TXNRD1: variants seen among roughly 807,000 people sequenced by gnomAD.
TXNRD1 encodes the protein thioredoxin reductase 1, also known as thioredoxin reductase 1, cytoplasmic.
In TXNRD1, 57 loss-of-function variants were observed where a neutral mutation model predicts 80.3. That is an observed-to-expected ratio of 0.71 (90% CI 0.57 to 0.89). The LOEUF (loss-of-function observed/expected upper bound fraction) is 0.89, where lower values mean the gene tolerates loss of function less well. TXNRD1 is among the 40% of genes least tolerant of loss of function. The pLI, the probability that TXNRD1 is intolerant of heterozygous loss-of-function variation, is 0.00. For synonymous variants in TXNRD1, 291 were observed against 285.2 expected, an observed-to-expected ratio of 1.02 and a Z score of -0.20; for missense variants, 730 against 803.0, an observed-to-expected ratio of 0.91 and a Z score of 1.10.
intron 1 of TXNRD1, among the ~76,000 whole-genome samples, chr12:104,229,138 A>C (rs1234616416): frequency 7.6e-6 from 1 of 132,212 alleles, no homozygotes; most frequent in Admixed American, 8.3e-5. Context: ...TCCGAGCATT[A>C]CTTTTCTTTT....
chr12:104,223,337 G>T (rs1324380070), intron 1 of TXNRD1, among the ~76,000 whole-genome samples: 1 of 152,206 alleles, frequency 6.6e-6, no homozygotes, highest in Non-Finnish European at 1.5e-5. Context: ...TTATCACAAA[G>T]ATTTGTTTAG....
chr12:104,289,044 G>A lies in TXNRD1; in HGVS notation c.414+4G>A, dbSNP rs201574726. ...CGGCCATGGTCCAACCTTGAAGGTA[G>A]GAGAGAGTAACGTATCTTTTTAAAC... On this transcript the variant is annotated splice_donor_region_variant and intron_variant, in intron 4 of 16. Coordinates refer to ENST00000525566, the MANE Select transcript of TXNRD1 (RefSeq NM_001093771.3). The A allele has an allele frequency of 1.2e-6, 2 of 1,612,700 alleles. No homozygotes were observed. The highest frequency in any genetic ancestry group is 1.7e-6 in the Non-Finnish European group (2 of 1,178,948).
chr12:104,309,995 C>T, intron 4 of TXNRD1: 10 of 1,536,238 alleles, frequency 6.5e-6, no homozygotes, highest in Non-Finnish European at 8.7e-6. Flanking sequence ...CTCCACCGCA[C>T]CCCCTTCCAC....
At chr12:104,256,667 T>TA (rs2033255512) in intron 2 of TXNRD1, among the ~76,000 whole-genome samples, 1 of 150,500 alleles carries the variant, frequency 6.6e-6, no homozygotes, top group Non-Finnish European at 1.5e-5. Flanking sequence ...TAACCCCACC[T>TA]AATTGGGTGG....
intron 3 of TXNRD1, among the ~76,000 whole-genome samples, chr12:104,283,191 G>A (rs1051119880): frequency 5.9e-5 from 9 of 152,124 alleles, no homozygotes; most frequent in African/African-American, 2.2e-4. Context: ...CCACATAACA[G>A]CAATTCTTTG....
intron 15 of TXNRD1, among the ~76,000 whole-genome samples, chr12:104,337,953 ATTTTTTT>A (rs761640158): frequency 6.8e-5 from 8 of 116,874 alleles, no homozygotes; most frequent in Admixed American, 3.5e-4. Flanking sequence ...TGCCCAGCTA[ATTTTTTT>A]TTTTTTTTTT....
chr12:104,234,956 C>A, intron 1 of TXNRD1, among the ~76,000 whole-genome samples: 1 of 152,102 alleles, frequency 6.6e-6, no homozygotes, highest in East Asian at 1.9e-4. Flanking sequence ...GCTTCTATCT[C>A]TTATGTAATG....
At position 104,319,478 on chromosome 12, in the gene TXNRD1, T is replaced by C. The variant is rs1174405640; in HGVS notation, c.882T>C (p.Asn294=). 1 of 1,578,788 alleles carries C rather than the reference T, an allele frequency of 6.3e-7. No individual in the cohort carries two copies. Among genetic ancestry groups the C allele is most frequent in the Non-Finnish European group, 8.6e-7 (1 of 1,161,444 alleles). The change falls in exon 9 of 17, where the codon AAT becomes AAC. Residue 294 remains asparagine, a synonymous_variant. Transcript: ENST00000525566. ...TATTGGTTCCTTTGTAGGCAACAAA[T>C]AATAAAGGCAAAGAAAAAATTTATT... ...FIGPHRIKAT[N]NKGKEKIYSA...
rs1444831793 is a variant in TXNRD1, at chr12:104,325,372, C to T, written c.1251C>T (p.Leu417=). 1 of 1,613,446 alleles carries T rather than the reference C, an allele frequency of 6.2e-7. No homozygotes were observed. The highest frequency in any genetic ancestry group is 1.7e-5 in the Admixed American group (1 of 59,966). The change falls in exon 11 of 17, where the codon CTC becomes CTT. Residue 417 remains leucine, a synonymous_variant. Coordinates refer to ENST00000525566, the MANE Select transcript of TXNRD1 (RefSeq NM_001093771.3). ...TTGAAGCAGGGACACCAGGCCGACT[C>T]AGAGTAGTAGCTCAGTCCACCAATA... ...EQIEAGTPGR[L]RVVAQSTNSE... is the part of the protein sequence containing the mutation.
chr12:104,297,060 T>G (rs1010227754), intron 4 of TXNRD1, among the ~76,000 whole-genome samples: 2 of 152,154 alleles, frequency 1.3e-5, no homozygotes, highest in Admixed American at 6.5e-5. Context: ...TCCCAGCACT[T>G]TGAGAGGCCG....
intron 1 of TXNRD1, among the ~76,000 whole-genome samples, chr12:104,231,622 A>G (rs2032626093): frequency 6.6e-6 from 1 of 152,204 alleles, no homozygotes. Context: ...CTGGTGTAGT[A>G]AATAATTTTC....
chr12:104,272,087 C>T (rs537934565), intron 3 of TXNRD1, among the ~76,000 whole-genome samples: 97 of 152,106 alleles, frequency 6.4e-4, no homozygotes, highest in African/African-American at 2.0e-3. Flanking sequence ...AGTAAAGTTT[C>T]GGTGCCGCAA....
At chr12:104,238,711 C>T (rs2032792058) in intron 1 of TXNRD1, among the ~76,000 whole-genome samples, 1 of 152,134 alleles carries the variant, frequency 6.6e-6, no homozygotes, top group South Asian at 2.1e-4. Flanking sequence ...TTTAATCAAC[C>T]TGTGCAAGGT....
intron 9 of TXNRD1, among the ~76,000 whole-genome samples, chr12:104,320,289 C>G (rs992613718): frequency 2.0e-5 from 3 of 152,186 alleles, no homozygotes; most frequent in Non-Finnish European, 4.4e-5. Flanking sequence ...TTACTCTACT[C>G]CTTCAGGCTC....
chr12:104,264,576 G>A (rs931061818), intron 3 of TXNRD1, among the ~76,000 whole-genome samples: 3 of 152,070 alleles, frequency 2.0e-5, no homozygotes, highest in Non-Finnish European at 2.9e-5. Context: ...ACATATAATT[G>A]CATCCAGAGA....
rs540932115 is a variant in TXNRD1 at position 104,249,695 on chromosome 12, G to A, written c.92-1832G>A. Among the ~76,000 whole-genome samples, 3 of 152,122 alleles carry A rather than the reference G, an allele frequency of 2.0e-5. No individual in the cohort carries two copies. The South Asian group carries it at 6.2e-4, about 32-fold the overall frequency. ...TCACGCCTGTAATCTTAGCACTTTG[G>A]GAGGCCAAGGTGGGCAGATCACGAG... On this transcript the variant is annotated intron_variant, in intron 1 of 16. Coordinates refer to ENST00000525566, the MANE Select transcript of TXNRD1 (RefSeq NM_001093771.3).
intron 1 of TXNRD1, among the ~76,000 whole-genome samples, chr12:104,247,610 C>A (rs2033021490): frequency 6.6e-6 from 1 of 152,092 alleles, no homozygotes; most frequent in South Asian, 2.1e-4. Context: ...ATTTACCTAT[C>A]TATTTATCTT....
chr12:104,265,650 T>C, intron 3 of TXNRD1: 3 of 1,606,404 alleles, frequency 1.9e-6, no homozygotes, highest in African/African-American at 2.7e-5. Context: ...GAGACATGGG[T>C]GCCCGGCACC....
chr12:104,293,894 G>A (rs1477047256), intron 4 of TXNRD1, among the ~76,000 whole-genome samples: 1 of 152,182 alleles, frequency 6.6e-6, no homozygotes, highest in Non-Finnish European at 1.5e-5. Context: ...TCCAATGATA[G>A]GTAAGGTCAC....
Sources: gnomAD v4.1 joint callset for allele counts (sites outside exome capture counted in the v4.1 genomes callset) on GRCh38, gnomAD v4.1.1 for gene constraint, MANE v1.5 for transcripts, NCBI Gene and HGNC (gene_info 2026-07-23, HGNC 2026-07-21) for gene names.